The following MACROD2 variants were observed in gnomAD, a reference collection of about 807,000 sequenced individuals.
MACROD2 encodes the protein ADP-ribose glycohydrolase MACROD2.
MACROD2 carries 36 observed loss-of-function variants against 70.4 expected under a neutral mutation model. That is an observed-to-expected ratio of 0.51 (90% CI 0.39 to 0.68). The LOEUF is 0.68. Ranked by LOEUF, MACROD2 falls within the 30% of genes least tolerant of loss-of-function variation. MACROD2 has a pLI of 0.00. For missense variants in MACROD2, 496 were observed against 538.4 expected (o/e 0.92, Z 0.78); for synonymous variants, 172 against 178.8 (o/e 0.96, Z 0.30).
chr20:14,957,999 C>T (rs1005148221), intron 5 of MACROD2, among the ~76,000 whole-genome samples: 6 of 152,090 alleles, frequency 3.9e-5, no homozygotes, highest in South Asian at 2.1e-4. Flanking sequence ...TTTTTGCCAA[C>T]CTAATAATAT....
chr20:14,530,719 G>A (rs1385029091), intron 4 of MACROD2, among the ~76,000 whole-genome samples: 1 of 152,194 alleles, frequency 6.6e-6, no homozygotes, highest in African/African-American at 2.4e-5. Flanking sequence ...CACCTTCCAA[G>A]ATGATTAAGA....
chr20:15,751,605 T>G (rs1047314328), intron 8 of MACROD2, among the ~76,000 whole-genome samples: 2 of 151,992 alleles, frequency 1.3e-5, no homozygotes, highest in Non-Finnish European at 2.9e-5. Flanking sequence ...TAATATTGTC[T>G]CTAGGATTTA....
chr20:14,456,808 C>G (rs2084308350), intron 3 of MACROD2, among the ~76,000 whole-genome samples: 1 of 149,328 alleles, frequency 6.7e-6, no homozygotes, highest in Non-Finnish European at 1.5e-5. Context: ...GCCCCGCCTC[C>G]CGGGTTCACG....
chr20:14,702,626 CATAT>C (rs200287028), intron 5 of MACROD2, among the ~76,000 whole-genome samples: 1 of 37,264 alleles, frequency 2.7e-5, no homozygotes, highest in African/African-American at 1.0e-4. Flanking sequence ...TATATATATA[CATAT>C]ATATATGTAT....
intron 3 of MACROD2, among the ~76,000 whole-genome samples, chr20:14,093,586 G>A (rs1302721915): frequency 6.6e-6 from 1 of 151,642 alleles, no homozygotes; most frequent in Admixed American, 6.6e-5. Context: ...AAATATTTTG[G>A]TACATATGCT....
intron 8 of MACROD2, among the ~76,000 whole-genome samples, chr20:15,527,227 G>C (rs1232120843): frequency 6.6e-6 from 1 of 152,066 alleles, no homozygotes; most frequent in Non-Finnish European, 1.5e-5. Flanking sequence ...TGTGTCTTAA[G>C]TGTGAATTTT....
intron 7 of MACROD2, among the ~76,000 whole-genome samples, chr20:15,457,073 TTTAA>T (rs1359931882): frequency 1.9e-4 from 22 of 116,636 alleles, no homozygotes; most frequent in South Asian, 9.4e-4. Context: ...TTTTTTTTTT[TTTAA>T]AAAAAAAGCA....
chr20:14,374,134 A>T (rs563766727), intron 3 of MACROD2, among the ~76,000 whole-genome samples: 1 of 152,172 alleles, frequency 6.6e-6, no homozygotes, highest in African/African-American at 2.4e-5. Context: ...AATGTTCAAC[A>T]CTAATTATAC....
chr20:14,678,799 G>T (rs2070893758), intron 4 of MACROD2, among the ~76,000 whole-genome samples: 2 of 152,068 alleles, frequency 1.3e-5, no homozygotes, highest in Non-Finnish European at 2.9e-5. Flanking sequence ...GTGGAGAAGG[G>T]GGTGAACTTT....
chr20:14,466,867 A>ATCTGG, intron 3 of MACROD2, among the ~76,000 whole-genome samples: 1 of 152,010 alleles, frequency 6.6e-6, no homozygotes, highest in East Asian at 1.9e-4. Context: ...TGAACCACAA[A>ATCTGG]TGCTGCTGCC....
chr20:14,285,986 A>C (rs1488503244), intron 3 of MACROD2, among the ~76,000 whole-genome samples: 2 of 152,078 alleles, frequency 1.3e-5, no homozygotes, highest in Non-Finnish European at 2.9e-5. Flanking sequence ...AGCCAAAAAA[A>C]AAAAAAAGTG....
rs1029162250 is a variant in MACROD2 at position 15,687,409 on chromosome 20, A to G, written c.646-175336A>G. ...TCCTGTTACTATCACGGTGATCAAC[A>G]ACATCATCATCATAAGTTCCAAAAT... On this transcript the variant is annotated intron_variant, in intron 8 of 17. Coordinates refer to ENST00000684519, the MANE Select transcript of MACROD2 (RefSeq NM_001351661.2). 5.9e-5 allele frequency among the ~76,000 whole-genome samples: 9 copies of G among 152,108 alleles called. No individual in the cohort carries two copies. In the East Asian group the frequency reaches 1.5e-3, roughly 26 times the overall value.
At chr20:15,238,355 C>T (rs563168806) in intron 6 of MACROD2, among the ~76,000 whole-genome samples, 25 of 152,106 alleles carry the variant, frequency 1.6e-4, no homozygotes, top group African/African-American at 6.0e-4. Flanking sequence ...AACAATATCA[C>T]GTGTTGTGTC....
chr20:16,012,113 T>A (rs1601321432), intron 15 of MACROD2, among the ~76,000 whole-genome samples: 1 of 152,212 alleles, frequency 6.6e-6, no homozygotes, highest in East Asian at 1.9e-4. Flanking sequence ...CCAGCTTCTC[T>A]GAGCCTATTG....
intron 5 of MACROD2, among the ~76,000 whole-genome samples, chr20:15,202,148 C>T (rs998458922): frequency 6.6e-6 from 1 of 152,060 alleles, no homozygotes; most frequent in Non-Finnish European, 1.5e-5. Flanking sequence ...AAAATTGAAC[C>T]GTATAAAAAG....
intron 5 of MACROD2, chr20:15,197,181 T>C (rs927695822): frequency 2.6e-5 from 7 of 271,782 alleles, no homozygotes; most frequent in Non-Finnish European, 3.9e-5. Flanking sequence ...TTCATTTAGT[T>C]TGTCAGTTAA....
chr20:15,460,755 C>T (rs2146412775), intron 7 of MACROD2, among the ~76,000 whole-genome samples: 1 of 151,914 alleles, frequency 6.6e-6, no homozygotes, highest in Admixed American at 6.6e-5. Flanking sequence ...TGACACAGCC[C>T]TGAAAAGAAG....
At chr20:15,932,187 A>G (rs1191203810) in intron 10 of MACROD2, among the ~76,000 whole-genome samples, 3 of 152,098 alleles carry the variant, frequency 2.0e-5, no homozygotes, top group African/African-American at 4.8e-5. Flanking sequence ...CTGGCCCTTC[A>G]TGCTCCCCAC....
At chr20:14,228,579 T>A (rs989909340) in intron 3 of MACROD2, among the ~76,000 whole-genome samples, 1 of 152,158 alleles carries the variant, frequency 6.6e-6, no homozygotes, top group African/African-American at 2.4e-5. Flanking sequence ...CAATGAAGAA[T>A]TGCTTACATA....
Sources: allele counts gnomAD v4.1 joint callset (sites outside exome capture counted in the v4.1 genomes callset), GRCh38; gene constraint gnomAD v4.1.1; transcripts MANE v1.5; gene names NCBI Gene and HGNC (gene_info 2026-07-23, HGNC 2026-07-21).